Variants in PINX1 observed in about 807,000 individuals in gnomAD.
PINX1 encodes PIN2 (TERF1) interacting telomerase inhibitor 1.
A neutral mutation model predicts 25.4 loss-of-function variants in PINX1; 34 were observed. That is an observed-to-expected ratio of 1.34 (90% CI 1.02 to 1.78). The LOEUF is 1.78. Among genes scored for constraint, PINX1 ranks in the 40% most tolerant of loss-of-function variants. PINX1 has a pLI of 0.00. For synonymous variants in PINX1, 197 were observed against 147.7 expected (o/e 1.33, Z -2.42); for missense variants, 592 against 404.9 (o/e 1.46, Z -3.97).
intron 6 of PINX1, among the ~76,000 whole-genome samples, chr8:10,793,066 C>T (rs1351085253): frequency 1.3e-5 from 2 of 152,130 alleles, no homozygotes; most frequent in African/African-American, 4.8e-5. Context: ...TCGCTAACAT[C>T]TACTGAGTGC....
intron 6 of PINX1, among the ~76,000 whole-genome samples, chr8:10,769,260 A>G (rs939991103): frequency 6.6e-6 from 1 of 151,814 alleles, no homozygotes; most frequent in Non-Finnish European, 1.5e-5. Flanking sequence ...AATGGCAAAA[A>G]CCGTGATTAC....
intron 6 of PINX1, among the ~76,000 whole-genome samples, chr8:10,790,878 T>C (rs1801901034): frequency 6.6e-6 from 1 of 152,122 alleles, no homozygotes; most frequent in Non-Finnish European, 1.5e-5. Context: ...TGCAGATGTC[T>C]AATGGGGGCT....
intron 6 of PINX1, among the ~76,000 whole-genome samples, chr8:10,768,163 G>C (rs1010817428): frequency 1.6e-4 from 24 of 151,334 alleles, no homozygotes; most frequent in Admixed American, 7.3e-4. Context: ...CACAGAGACA[G>C]ACTCGGTGAC....
intron 6 of PINX1, among the ~76,000 whole-genome samples, chr8:10,780,855 C>A (rs538352500): frequency 6.6e-6 from 1 of 152,208 alleles, no homozygotes; most frequent in Admixed American, 6.5e-5. Context: ...AAAAACAATT[C>A]TAAAATCCAC....
At chr8:10,826,919 T>C (rs1033250923) in intron 4 of PINX1, among the ~76,000 whole-genome samples, 3 of 152,208 alleles carry the variant, frequency 2.0e-5, no homozygotes, top group East Asian at 1.9e-4. Context: ...ATCTTCACCA[T>C]TGTGGTTGCT....
chr8:10,795,177 G>C (rs1484055643), intron 6 of PINX1, among the ~76,000 whole-genome samples: 1 of 151,978 alleles, frequency 6.6e-6, no homozygotes, highest in Admixed American at 6.6e-5. Flanking sequence ...TCCTAATATC[G>C]AAGTAAGAAA....
chr8:10,834,101 G>A lies in PINX1; in HGVS notation c.129+565C>T, dbSNP rs73662639. On this transcript the variant is annotated intron_variant, in intron 2 of 6. Coordinates refer to ENST00000314787, the MANE Select transcript of PINX1 (RefSeq NM_017884.6). ...ATCACTGCAGCAAAGTGCAAAAAAG[G>A]GGCCTGAGGTTGAGCCTCAAGGAGC... 8.4e-3 allele frequency among the ~76,000 whole-genome samples: 1,283 copies of A among 152,240 alleles called. 31 individuals are homozygous for A. The highest frequency in any genetic ancestry group is 0.029 in the African/African-American group (1,221 of 41,530).
chr8:10,819,023 G>T (rs953311950), intron 6 of PINX1, among the ~76,000 whole-genome samples: 1 of 152,186 alleles, frequency 6.6e-6, no homozygotes, highest in Non-Finnish European at 1.5e-5. Context: ...AGGAGCAGCC[G>T]GCACGGCCGG....
intron 6 of PINX1, among the ~76,000 whole-genome samples, chr8:10,780,932 C>A (rs1040177829): frequency 6.6e-6 from 1 of 152,030 alleles, no homozygotes; most frequent in Non-Finnish European, 1.5e-5. Flanking sequence ...CTGGAGACAC[C>A]ACACTTCTTG....
At chr8:10,796,182 C>G (rs1802078463) in intron 6 of PINX1, among the ~76,000 whole-genome samples, 1 of 152,070 alleles carries the variant, frequency 6.6e-6, no homozygotes, top group African/African-American at 2.4e-5. Flanking sequence ...ATGGAAGGAG[C>G]TTGATTGGCT....
At chr8:10,783,428 C>G (rs1167141307) in intron 6 of PINX1, among the ~76,000 whole-genome samples, 1 of 152,198 alleles carries the variant, frequency 6.6e-6, no homozygotes, top group South Asian at 2.1e-4. Context: ...CCTGTGCTTT[C>G]AAGAACCCGT....
At chr8:10,766,432 G>A (rs143609949) in intron 6 of PINX1, among the ~76,000 whole-genome samples, 47 of 152,292 alleles carry the variant, frequency 3.1e-4, no homozygotes, top group African/African-American at 7.7e-4. Flanking sequence ...GACAGGAGCC[G>A]CATTCCACCC....
chr8:10,797,063 C>A (rs28592638), intron 6 of PINX1, among the ~76,000 whole-genome samples: 2 of 151,790 alleles, frequency 1.3e-5, no homozygotes, highest in African/African-American at 4.8e-5. Context: ...CTCTCTGTCT[C>A]CCCTACCCAG....
intron 6 of PINX1, among the ~76,000 whole-genome samples, chr8:10,775,708 A>G (rs1345501869): frequency 1.3e-5 from 2 of 152,210 alleles, no homozygotes; most frequent in Non-Finnish European, 2.9e-5. Context: ...ATAAGTGGCA[A>G]TGACCTGGCT....
At chr8:10,794,503 C>A (rs1244844417) in intron 6 of PINX1, among the ~76,000 whole-genome samples, 4 of 151,952 alleles carry the variant, frequency 2.6e-5, no homozygotes, top group Non-Finnish European at 5.9e-5. Flanking sequence ...AGCGCAATCT[C>A]AGCTCACTGC....
intron 6 of PINX1, among the ~76,000 whole-genome samples, chr8:10,770,599 G>A (rs978153228): frequency 3.3e-5 from 5 of 152,156 alleles, no homozygotes; most frequent in African/African-American, 1.2e-4. Flanking sequence ...TTGCTCTTGT[G>A]TCATTCAAAC....
intron 6 of PINX1, among the ~76,000 whole-genome samples, chr8:10,791,038 G>C (rs1017001718): frequency 2.0e-5 from 3 of 151,926 alleles, no homozygotes; most frequent in South Asian, 2.1e-4. Context: ...TCAGCCTCCC[G>C]AGTAACTGGG....
chr8:10,828,219 T>A (rs565327519), intron 4 of PINX1, among the ~76,000 whole-genome samples: 4 of 152,336 alleles, frequency 2.6e-5, no homozygotes, highest in Non-Finnish European at 1.5e-5. Context: ...AGGGACACCT[T>A]GGATTTTTTG....
At chr8:10,839,706 G>A in intron 1 of PINX1, 32 bp downstream of exon 1, 1 of 1,595,472 alleles carries the variant, frequency 6.3e-7, no homozygotes, top group Non-Finnish European at 8.5e-7. Flanking sequence ...TCACCAACGC[G>A]CCTGGGTCGG....
Sources: allele counts gnomAD v4.1 joint callset (sites outside exome capture counted in the v4.1 genomes callset), GRCh38; gene constraint gnomAD v4.1.1; transcripts MANE v1.5; gene names NCBI Gene and HGNC (gene_info 2026-07-23, HGNC 2026-07-21).